Variants in CIZ1 observed in about 807,000 individuals in gnomAD.
CIZ1 encodes cip1-interacting zinc finger protein.
A neutral mutation model predicts 118.6 loss-of-function variants in CIZ1; 58 were observed. The observed-to-expected ratio is 0.49, with a 90% CI of 0.40 to 0.61. The LOEUF is 0.61. CIZ1 is among the 20% of genes least tolerant of loss of function. The pLI is 0.00. For missense variants in CIZ1, 921 were observed against 1,115.9 expected, an observed-to-expected ratio of 0.83 and a Z score of 2.49; for synonymous variants, 448 against 443.4, an observed-to-expected ratio of 1.01 and a Z score of -0.13.
rs996808434 is a variant in CIZ1 at position 128,167,276 on chromosome 9, T to G, written c.2296-112A>C. 3 of 781,544 alleles carry G rather than the reference T, an allele frequency of 3.8e-6. No homozygotes were observed. The African/African-American group carries it at 5.3e-5, about 14-fold the overall frequency. The allele number at this position is 781,544 out of a possible 1,614,324, so 48.4% of individuals were successfully genotyped here. On this transcript the variant is annotated intron_variant, in intron 14 of 16. Transcript: ENST00000372938. ...CCTTGGACACACAGAATCCCCTTGA[T>G]TTCCAGGAGGTAGTGGGTGGCATTC...
intron 11 of CIZ1, among the ~76,000 whole-genome samples, chr9:128,175,757 C>G (rs1830769285): frequency 6.6e-6 from 1 of 152,184 alleles, no homozygotes; most frequent in African/African-American, 2.4e-5. Flanking sequence ...AAGCAGCTGT[C>G]TCCTGAGACA....
intron 5 of CIZ1, among the ~76,000 whole-genome samples, chr9:128,184,204 A>C (rs1174572213): frequency 1.3e-5 from 2 of 152,268 alleles, no homozygotes; most frequent in Admixed American, 1.3e-4. Context: ...CCACACAGTC[A>C]CCCCACAGCC....
intron 5 of CIZ1, among the ~76,000 whole-genome samples, chr9:128,181,061 A>T (rs1227524341): frequency 6.6e-6 from 1 of 152,110 alleles, no homozygotes; most frequent in Admixed American, 6.5e-5. Context: ...TCTCCTGGCC[A>T]CAGTGCTACC....
rs981703874 is a variant in CIZ1, at chr9:128,166,164, C to T, written c.*33G>A. 20 of 1,398,808 alleles carry T rather than the reference C, an allele frequency of 1.4e-5. No homozygotes were observed. Among genetic ancestry groups the T allele is most frequent in the Admixed American group, 2.9e-5 (1 of 34,738 alleles). 86.6% of individuals were successfully genotyped at this position (1,398,808 alleles called of 1,614,324 possible). On this transcript the variant is annotated 3_prime_UTR_variant, in exon 17 of 17. Coordinates refer to ENST00000372938, the MANE Select transcript of CIZ1 (RefSeq NM_001131016.2). This position sits in a 1 kb window ranked among gnomAD's most constrained non-coding sequence, Gnocchi z 4.4. ...CCTAAAAAGCATTAGCAGATCTGGA[C>T]CCAGGCAGGCCAGGGACAGGGAGGT...
chr9:128,190,065 C>T (rs1832936598), intron 3 of CIZ1, among the ~76,000 whole-genome samples: 2 of 152,166 alleles, frequency 1.3e-5, no homozygotes, highest in South Asian at 2.1e-4. Flanking sequence ...GGCATCTAAT[C>T]TGAATGTGAG....
chr9:128,196,604 A>ATTAT (rs931580382), upstream of CIZ1, among the ~76,000 whole-genome samples: 3 of 151,418 alleles, frequency 2.0e-5, no homozygotes, highest in Non-Finnish European at 2.9e-5. Flanking sequence ...GAATGTCTCT[A>ATTAT]TTATTTATTT....
At chr9:128,174,789 G>C (rs2130935143) in intron 11 of CIZ1, among the ~76,000 whole-genome samples, 1 of 152,256 alleles carries the variant, frequency 6.6e-6, no homozygotes, top group Non-Finnish European at 1.5e-5. Flanking sequence ...CTCCCGAGTA[G>C]CTGGGATCAC....
At chr9:128,173,087 C>T (rs1016047134) in intron 11 of CIZ1, among the ~76,000 whole-genome samples, 2 of 151,672 alleles carry the variant, frequency 1.3e-5, no homozygotes, top group Admixed American at 6.6e-5. Context: ...ACCTCAGCCT[C>T]CTAAGTAGCC....
At chr9:128,189,803 C>T (rs1163898796) in intron 3 of CIZ1, among the ~76,000 whole-genome samples, 12 of 111,096 alleles carry the variant, frequency 1.1e-4, no homozygotes, top group African/African-American at 3.5e-4. Flanking sequence ...CCAGCCTGGG[C>T]GACAGAGCAA....
Position 128,169,534 on chromosome 9 carries a change from G to A in CIZ1, c.2032-15C>T. 6.2e-7 allele frequency: 1 copy of A among 1,613,240 alleles called. No homozygotes were observed. The highest frequency in any genetic ancestry group is 8.5e-7 in the Non-Finnish European group (1 of 1,179,328). ...TGTTTGGCAATCTGGAAAAAGGCAG[G>A]CCAACCAAGCAGTGTCCCCAGCTGC... On this transcript the variant is annotated splice_polypyrimidine_tract_variant and intron_variant, in intron 12 of 16. Transcript: ENST00000372938.
At chr9:128,184,176 A>G in intron 5 of CIZ1, among the ~76,000 whole-genome samples, 1 of 152,224 alleles carries the variant, frequency 6.6e-6, no homozygotes, top group East Asian at 1.9e-4. Flanking sequence ...AAGCTCACTC[A>G]TTCAAAGCCA....
At chr9:128,201,921 C>G (rs1833534768) in intron 1 of CIZ1, among the ~76,000 whole-genome samples, 1 of 152,192 alleles carries the variant, frequency 6.6e-6, no homozygotes, top group Admixed American at 6.5e-5. Flanking sequence ...GATTCCTCCC[C>G]ACAAGGGTCA....
In CIZ1 at chr9:128,177,670, G is replaced by C; in HGVS notation, c.1714C>G (p.Pro572Ala). ...STVPLTPVPR[P>A]SDSVSSTPAA... Reference sequence around the variant, plus strand: ...GGGGTGGAGGAGACGGAGTCACTGGGGCGGGGGACAGGTGTCAGGGGTACA... The same window carrying C: ...GGGGTGGAGGAGACGGAGTCACTGGCGCGGGGGACAGGTGTCAGGGGTACA... The change falls in exon 10 of 17, where the codon CCC becomes GCC. Residue 572 changes from proline (P) to alanine (A), a missense_variant. Coordinates refer to ENST00000372938, the MANE Select transcript of CIZ1 (RefSeq NM_001131016.2). 3 of 1,600,998 alleles carry C rather than the reference G, an allele frequency of 1.9e-6. No homozygotes were observed. Among genetic ancestry groups the C allele is most frequent in the Non-Finnish European group, 2.6e-6 (3 of 1,174,044 alleles).
Position 128,166,452 on chromosome 9 carries a change from G to C in CIZ1, c.2488-46C>G, listed in dbSNP as rs1418180147. 7.1e-6 allele frequency: 10 copies of C among 1,402,428 alleles called. No homozygotes were observed. The highest frequency in any genetic ancestry group is 8.7e-6 in the Non-Finnish European group (9 of 1,036,042). 86.9% of individuals were successfully genotyped at this position (1,402,428 alleles called of 1,614,324 possible). A position where few individuals can be genotyped will look rare whatever the true frequency, so the allele number is the denominator to read the frequency against. On this transcript the variant is annotated intron_variant, in intron 16 of 16. Coordinates refer to ENST00000372938, the MANE Select transcript of CIZ1 (RefSeq NM_001131016.2). This position sits in a 1 kb window ranked among gnomAD's most constrained non-coding sequence, Gnocchi z 4.4. ...TAAGGTCAGGGTCTCCTCCCTACAT[G>C]GTATGCTCCTGGCCAGCAGCTACTT...
At chr9:128,175,844 CTA>C (rs1458234709) in intron 11 of CIZ1, among the ~76,000 whole-genome samples, 1 of 152,178 alleles carries the variant, frequency 6.6e-6, no homozygotes, top group African/African-American at 2.4e-5. Context: ...TTGCACACCT[CTA>C]TGACTGCCCA....
chr9:128,179,556 TGAG>T (rs1157036480), intron 7 of CIZ1, 141 bp from the exon 8 acceptor site: 16 of 714,598 alleles, frequency 2.2e-5, no homozygotes, highest in East Asian at 2.2e-4. Context: ...GTGGATCATT[TGAG>T]GTCAGGAGTT....
chr9:128,190,505 A>G, intron 2 of CIZ1, 61 bp from the exon 3 acceptor site: 2 of 1,418,882 alleles, frequency 1.4e-6, no homozygotes, highest in Non-Finnish European at 9.7e-7. Flanking sequence ...CTTCTTCCCC[A>G]AGGCTTCTCA....
chr9:128,194,104 G>C (rs1564307798), upstream of CIZ1, among the ~76,000 whole-genome samples: 1 of 152,184 alleles, frequency 6.6e-6, no homozygotes, highest in African/African-American at 2.4e-5. Flanking sequence ...GCTCATGTCT[G>C]TAATCCCAGC....
At chr9:128,172,385 T>A (rs944679234) in intron 11 of CIZ1, among the ~76,000 whole-genome samples, 2 of 151,794 alleles carry the variant, frequency 1.3e-5, no homozygotes, top group Admixed American at 1.3e-4. Flanking sequence ...TCCCAGCTAC[T>A]TAGGAGGCTG....
Sources: gnomAD v4.1 joint callset for allele counts (sites outside exome capture counted in the v4.1 genomes callset) on GRCh38, gnomAD v4.1.1 for gene constraint, Gnocchi (gnomAD v3.1) non-coding constraint, MANE v1.5 for transcripts, NCBI Gene and HGNC (gene_info 2026-07-23, HGNC 2026-07-21) for gene names.